Variants in MBL2 observed in about 807,000 individuals in gnomAD.
The protein encoded by MBL2 is mannose binding lectin 2.
MBL2 carries 6 observed loss-of-function variants against 12.7 expected under a neutral mutation model. The observed-to-expected ratio is 0.47, with a 90% CI of 0.26 to 0.94. The LOEUF is 0.94. Among genes scored for constraint, MBL2 ranks in the 40% least tolerant of loss-of-function variants. The probability of loss-of-function intolerance (pLI) is 0.15; values close to 1 mark genes in which losing one functional copy is unlikely to be tolerated. For missense variants in MBL2, 307 were observed against 295.2 expected (o/e 1.04, Z -0.29); for synonymous variants, 114 against 112.0 (o/e 1.02, Z -0.11).
Position 52,767,327 on chromosome 10 carries a change from G to A in MBL2, c.*810C>T, listed in dbSNP as rs142826643. 1.3e-5 allele frequency: 2 copies of A among 152,132 alleles called. No individual in the cohort carries two copies. Among genetic ancestry groups the A allele is most frequent in the East Asian group, 3.9e-4 (2 of 5,176 alleles). 9.4% of individuals were successfully genotyped at this position (152,132 alleles called of 1,614,324 possible). A position where few individuals can be genotyped will look rare whatever the true frequency, so the allele number is the denominator to read the frequency against. On this transcript the variant is annotated 3_prime_UTR_variant, in exon 5 of 5. Transcript: ENST00000674931. ...TGGCAATGAAAAGGATGAAACTTTT[G>A]TACACATGACATGAATGAATCTCAC...
rs1348418065 is a variant in MBL2 at position 52,771,032 on chromosome 10, AGTT to A, written c.188-249_188-247del. On this transcript the variant is annotated intron_variant, in intron 2 of 4. Transcript: ENST00000674931. ...ATTAACTGCATTTGTTTTTACCAGT[AGTT>A]GTTGTTCTCCTGTCCAGCCCACTGC... Among the ~76,000 whole-genome samples the A allele has an allele frequency of 3.9e-5, 6 of 152,164 alleles. No individual in the cohort carries two copies. The South Asian group carries it at 6.2e-4, about 16-fold the overall frequency.
rs550106208 is a variant in MBL2 at position 52,766,741 on chromosome 10, AT to A, written c.*1395del. On this transcript the variant is annotated 3_prime_UTR_variant, in exon 5 of 5. Coordinates refer to ENST00000674931, the MANE Select transcript of MBL2 (RefSeq NM_001378373.1). ...TAGGAGCAAGTCAAAAACTAGCAAAATATTTGTAATACACATTAAAAAGGAC... is the reference window on the plus strand; with the variant it reads ...TAGGAGCAAGTCAAAAACTAGCAAAAATTTGTAATACACATTAAAAAGGAC... 2.6e-5 allele frequency: 4 copies of A among 152,228 alleles called. No individual in the cohort carries two copies. The South Asian group carries it at 8.3e-4, about 32-fold the overall frequency. 9.4% of individuals were successfully genotyped at this position (152,228 alleles called of 1,614,324 possible). A position where few individuals can be genotyped will look rare whatever the true frequency, so the allele number is the denominator to read the frequency against.
chr10:52,769,551 C>T (rs1157088928), intron 3 of MBL2, among the ~76,000 whole-genome samples: 3 of 152,186 alleles, frequency 2.0e-5, no homozygotes, highest in African/African-American at 4.8e-5. Flanking sequence ...AGTACGCATA[C>T]ATATCACATG....
chr10:52,767,429 C>T lies in MBL2; in HGVS notation c.*708G>A, dbSNP rs558872633. On this transcript the variant is annotated 3_prime_UTR_variant, in exon 5 of 5. Transcript: ENST00000674931. The stretch of plus-strand genomic sequence containing the variant: ...CAACTATACAATGTTTATAAACAGA[C>T]GAAATTACTGTGCAGTCATGGAGGT... 4 of 151,940 alleles carry T rather than the reference C, an allele frequency of 2.6e-5. No individual in the cohort carries two copies. The highest frequency in any genetic ancestry group is 2.0e-4 in the Admixed American group (3 of 15,268). The allele number at this position is 151,940 out of a possible 1,614,324, so 9.4% of individuals were successfully genotyped here.
rs755218871 is a variant in MBL2 at position 52,770,716 on chromosome 10, C to T, written c.258G>A (p.Gly86=). The T allele has an allele frequency of 1.1e-5, 17 of 1,524,220 alleles. No homozygotes were observed. In the East Asian group the frequency reaches 3.7e-4, roughly 33 times the overall value. 94.4% of individuals were successfully genotyped at this position (1,524,220 alleles called of 1,614,324 possible). ...CTTTTTGGCCCTTTGGTCCTGGTGA[C>T]CCAGAAGGCCCTGGATTTCCTGGAG... ...LGPPGNPGPS[G]SPGPKGQKGD... is the part of the protein sequence containing the mutation. Residue 86 remains glycine, a synonymous_variant, in exon 3 of 5, where the codon GGG becomes GGA. Coordinates refer to ENST00000674931, the MANE Select transcript of MBL2 (RefSeq NM_001378373.1).
rs34390780 is a variant in MBL2, at chr10:52,768,987, G to A, written c.373+260C>T. ...CCATTTTCAGTGAGCAATATCAGAC[G>A]GTAAAGGATTAGGGTCTCTCGAGTC... On this transcript the variant is annotated intron_variant, in intron 4 of 4. Coordinates refer to ENST00000674931, the MANE Select transcript of MBL2 (RefSeq NM_001378373.1). 4.5e-3 allele frequency among the ~76,000 whole-genome samples: 680 copies of A among 152,060 alleles called. 12 individuals carry two copies. The highest frequency in any genetic ancestry group is 0.015 in the African/African-American group (630 of 41,364).
Position 52,767,530 on chromosome 10 carries a change from A to G in MBL2, c.*607T>C, listed in dbSNP as rs1220436659. ...TTCTAGGGAGTCAAAAATGTCCCAT[A>G]TCTTAATCTAGAAAGTGAGTATATA... On this transcript the variant is annotated 3_prime_UTR_variant, in exon 5 of 5. Coordinates refer to ENST00000674931, the MANE Select transcript of MBL2 (RefSeq NM_001378373.1). The G allele has an allele frequency of 6.6e-6, 1 of 152,028 alleles. No homozygotes were observed. The highest frequency in any genetic ancestry group is 2.4e-5 in the African/African-American group (1 of 41,294). 9.4% of individuals were successfully genotyped at this position (152,028 alleles called of 1,614,324 possible). A position where few individuals can be genotyped will look rare whatever the true frequency, so the allele number is the denominator to read the frequency against.
Position 52,768,062 on chromosome 10 carries a change from ATTTATCT to A in MBL2, c.*68_*74del. ...TACTGGATATGAGGAAATTGATATA[ATTTATCT>A]TTTCAAGCATACTGTGGGCCTGTGG... On this transcript the variant is annotated 3_prime_UTR_variant, in exon 5 of 5. Coordinates refer to ENST00000674931, the MANE Select transcript of MBL2 (RefSeq NM_001378373.1). 1 of 1,496,964 alleles carries A rather than the reference ATTTATCT, an allele frequency of 6.7e-7. No homozygotes were observed. Among genetic ancestry groups the A allele is most frequent in the South Asian group, 1.4e-5 (1 of 73,614 alleles). 92.7% of individuals were successfully genotyped at this position (1,496,964 alleles called of 1,614,324 possible).
chr10:52,771,475 C>T lies in MBL2; in HGVS notation c.161G>A (p.Gly54Asp), dbSNP rs1800450. The T allele has an allele frequency of 0.14, 223,777 of 1,613,658 alleles. 16,347 individuals are homozygous for T. The highest frequency in any genetic ancestry group is 0.19 in the East Asian group (8,329 of 44,834). Reference protein sequence around the residue: ...NGFPGKDGRDGTKGEKGEPGQ... With the variant: ...NGFPGKDGRDDTKGEKGEPGQ... The stretch of plus-strand genomic sequence containing the variant: ...TGGTTCCCCCTTTTCTCCCTTGGTG[C>T]CATCACGCCCATCTTTGCCTGGGAA... The change falls in exon 2 of 5, where the codon GGC becomes GAC. Residue 54 changes from glycine to aspartate, a missense_variant. By Grantham distance (94) the Gly-to-Asp change is moderately conservative (BLOSUM62 -1). Coordinates refer to ENST00000674931, the MANE Select transcript of MBL2 (RefSeq NM_001378373.1).
In MBL2 at chr10:52,768,416, GA is replaced by G; in HGVS notation, c.467del (p.Val156AlafsTer43). On this transcript the variant is annotated frameshift_variant, in exon 5 of 5. Coordinates refer to ENST00000674931, the MANE Select transcript of MBL2 (RefSeq NM_001378373.1). LOFTEE classifies it low-confidence loss of function (END_TRUNC). ...GGGTGGCCACAGAGGCCTGGAACTT[GA>G]CACACAAGGCCTTCACTTTTTCAAA... ...MTFEKVKALC[V>X]KFQASVATPR... The G allele has an allele frequency of 1.2e-6, 2 of 1,613,376 alleles. No individual in the cohort carries two copies. Among genetic ancestry groups the G allele is most frequent in the Non-Finnish European group, 1.7e-6 (2 of 1,179,842 alleles).
At position 52,765,837 on chromosome 10, in the gene MBL2, A is replaced by G. The variant is rs537565729; in HGVS notation, c.*2300T>C. ...ATTGGGAAGAAGCAAGTATTGCCAT[A>G]TTTTCAGCTTACATGACTATGCATA... is the stretch of plus-strand genomic sequence containing the variant. On this transcript the variant is annotated 3_prime_UTR_variant, in exon 5 of 5. Coordinates refer to ENST00000674931, the MANE Select transcript of MBL2 (RefSeq NM_001378373.1). The G allele has an allele frequency of 6.6e-6, 1 of 152,272 alleles. No individual in the cohort carries two copies. The highest frequency in any genetic ancestry group is 6.5e-5 in the Admixed American group (1 of 15,284). 9.4% of individuals were successfully genotyped at this position (152,272 alleles called of 1,614,324 possible).
In MBL2 at chr10:52,768,529, G is replaced by T; in HGVS notation, c.374-19C>A. 6.6e-7 allele frequency: 1 copy of T among 1,518,022 alleles called. No homozygotes were observed. The highest frequency in any genetic ancestry group is 2.3e-5 in the East Asian group (1 of 43,986). 94.0% of individuals were successfully genotyped at this position (1,518,022 alleles called of 1,614,324 possible). On this transcript the variant is annotated intron_variant, in intron 4 of 4. Transcript: ENST00000674931. ...GTGAGCCCTAAAATGTGAAAAAGTGGGTGAAACTGACTCATCCTTAAGCCC... is the reference window on the plus strand; with the variant it reads ...GTGAGCCCTAAAATGTGAAAAAGTGTGTGAAACTGACTCATCCTTAAGCCC...
At chr10:52,768,832 T>C (rs1025946708) in intron 4 of MBL2, among the ~76,000 whole-genome samples, 1 of 152,038 alleles carries the variant, frequency 6.6e-6, no homozygotes, top group Non-Finnish European at 1.5e-5. Context: ...CTAAAAGACA[T>C]ATAATTTGGA....
intron 1 of MBL2, 26 bp from the exon 2 acceptor site, chr10:52,771,670 G>T: frequency 6.3e-7 from 1 of 1,593,274 alleles, no homozygotes; most frequent in Non-Finnish European, 8.6e-7. Flanking sequence ...CTCAGGGAAG[G>T]TTAATCTCAG....
At position 52,766,292 on chromosome 10, in the gene MBL2, TA is replaced by T. The variant is rs1459523749; in HGVS notation, c.*1844del. 1 of 152,148 alleles carries T rather than the reference TA, an allele frequency of 6.6e-6. No homozygotes were observed. Among genetic ancestry groups the T allele is most frequent in the Non-Finnish European group, 1.5e-5 (1 of 68,018 alleles). 9.4% of individuals were successfully genotyped at this position (152,148 alleles called of 1,614,324 possible). A position where few individuals can be genotyped will look rare whatever the true frequency, so the allele number is the denominator to read the frequency against. On this transcript the variant is annotated 3_prime_UTR_variant, in exon 5 of 5. Coordinates refer to ENST00000674931, the MANE Select transcript of MBL2 (RefSeq NM_001378373.1). ...CAAAGCTGGACTATAGTTACAACTA[TA>T]AATGTACAATAATTAAGATAGTGTA...
At position 52,768,228 on chromosome 10, in the gene MBL2, T is replaced by C; in HGVS notation, c.656A>G (p.Asp219Gly). 4 of 1,613,862 alleles carry C rather than the reference T, an allele frequency of 2.5e-6. No homozygotes were observed. Among genetic ancestry groups the C allele is most frequent in the Non-Finnish European group, 3.4e-6 (4 of 1,180,020 alleles). The change falls in exon 5 of 5, where the codon GAT becomes GGT. Residue 219 changes from aspartate to glycine, a missense_variant. Physicochemically the swap from Asp to Gly is moderately conservative, Grantham distance 94 (BLOSUM62 -1). Coordinates refer to ENST00000674931, the MANE Select transcript of MBL2 (RefSeq NM_001378373.1). ...NEGEPNNAGS[D>G]EDCVLLLKNG... is the part of the protein sequence containing the mutation. ...TTTCAGTAGCAATACACAATCTTCA[T>C]CAGAACCAGCATTGTTGGGTTCACC...
intron 3 of MBL2, 22 bp from the exon 4 acceptor site, chr10:52,769,337 A>G: frequency 6.5e-7 from 1 of 1,543,588 alleles, no homozygotes; most frequent in Non-Finnish European, 8.9e-7. Context: ...GAACAAAGTA[A>G]AGAAGCATTG....
In MBL2 at chr10:52,768,104, A is replaced by T; in HGVS notation, c.*33T>A. 2 of 1,552,220 alleles carry T rather than the reference A, an allele frequency of 1.3e-6. No homozygotes were observed. The highest frequency in any genetic ancestry group is 1.8e-4 in the Middle Eastern group (1 of 5,480). On this transcript the variant is annotated 3_prime_UTR_variant, in exon 5 of 5. Transcript: ENST00000674931. ...TACTGTGGGCCTGTGGGTTGCAGTA[A>T]AAAGACAAGGAGGGCCTGAGTGATA...
rs1055810963 is a variant in MBL2 at position 52,765,664 on chromosome 10, C to T, written c.*2473G>A. 6.6e-6 allele frequency: 1 copy of T among 152,132 alleles called. No individual in the cohort carries two copies. Among genetic ancestry groups the T allele is most frequent in the African/African-American group, 2.4e-5 (1 of 41,430 alleles). 9.4% of individuals were successfully genotyped at this position (152,132 alleles called of 1,614,324 possible). On this transcript the variant is annotated 3_prime_UTR_variant, in exon 5 of 5. Coordinates refer to ENST00000674931, the MANE Select transcript of MBL2 (RefSeq NM_001378373.1). ...AAGTAACTGGCTCTAGATCATGTAGCAATTAAGTGACAGAGCTGTGAATCC... is the reference window on the plus strand; with the variant it reads ...AAGTAACTGGCTCTAGATCATGTAGTAATTAAGTGACAGAGCTGTGAATCC...
Sources: gnomAD v4.1 joint callset for allele counts (sites outside exome capture counted in the v4.1 genomes callset) on GRCh38, gnomAD v4.1.1 for gene constraint, MANE v1.5 for transcripts, NCBI Gene and HGNC (gene_info 2026-07-23, HGNC 2026-07-21) for gene names.